POLR3D: variants seen among roughly 807,000 people sequenced by gnomAD.
The protein encoded by POLR3D is DNA-directed RNA polymerase III subunit RPC4.
POLR3D carries 42 observed loss-of-function variants against 44.5 expected under a neutral mutation model. The ratio of observed to expected loss-of-function variants is 0.94; its 90% confidence interval spans 0.74 to 1.22. POLR3D has a LOEUF of 1.22. POLR3D is among the 50% of genes most tolerant of loss of function. The probability of loss-of-function intolerance (pLI) is 0.00; values close to 1 mark genes in which losing one functional copy is unlikely to be tolerated. For synonymous variants in POLR3D, 217 were observed against 198.1 expected, an observed-to-expected ratio of 1.10 and a Z score of -0.80; for missense variants, 507 against 505.2, an observed-to-expected ratio of 1.00 and a Z score of -0.03.
At position 22,248,252 on chromosome 8, in the gene POLR3D, A is replaced by T; in HGVS notation, c.460A>T (p.Ile154Phe). Reference protein sequence around the residue: ...KRETDEETKQILRMLEKDDFL... With the variant: ...KRETDEETKQFLRMLEKDDFL... ...AGAGACAGACGAAGAAACTAAACAGATCTTGCGTATGCTGGAGAAGGACGA... is the reference window on the plus strand; with the variant it reads ...AGAGACAGACGAAGAAACTAAACAGTTCTTGCGTATGCTGGAGAAGGACGA... The change falls in exon 5 of 9, where the codon ATC becomes TTC. Residue 154 changes from isoleucine to phenylalanine, a missense_variant. By Grantham distance (21) the Ile-to-Phe change is conservative. Transcript: ENST00000306433. 6.2e-7 allele frequency: 1 copy of T among 1,614,136 alleles called. No individual in the cohort carries two copies. The highest frequency in any genetic ancestry group is 8.5e-7 in the Non-Finnish European group (1 of 1,180,026).
chr8:22,248,307 T>C (rs948336244), intron 5 of POLR3D, 29 bp downstream of exon 5: 3 of 1,609,376 alleles, frequency 1.9e-6, no homozygotes, highest in Non-Finnish European at 2.5e-6. Flanking sequence ...GGGGAAGGGG[T>C]TTCCTTGTGG....
chr8:22,254,096 C>T lies in POLR3D; in HGVS notation c.*3578C>T, dbSNP rs1830127944. The T allele has an allele frequency of 6.6e-6, 1 of 152,162 alleles. No homozygotes were observed. Among genetic ancestry groups the T allele is most frequent in the Non-Finnish European group, 1.5e-5 (1 of 68,052 alleles). The allele number at this position is 152,162 out of a possible 1,614,324, so 9.4% of individuals were successfully genotyped here. ...CAACCCTTGCCCCCCCTCCCACTCA[C>T]CCCCTTTTGGAGTGCCCAGTGTTTG... is the stretch of plus-strand genomic sequence containing the variant. On this transcript the variant is annotated 3_prime_UTR_variant, in exon 9 of 9. Coordinates refer to ENST00000306433, the MANE Select transcript of POLR3D (RefSeq NM_001722.3).
Position 22,250,414 on chromosome 8 carries a change from C to G in POLR3D, c.1093C>G (p.Leu365Val). ...SFLQELVSVG[L>V]GDSRTGEMTV... The stretch of plus-strand genomic sequence containing the variant: ...TTGGCAGGAGCTGGTGTCCGTGGGC[C>G]TTGGAGACAGTAGGACAGGGGAGAT... Residue 365 changes from leucine (L) to valine (V), a missense_variant, in exon 9 of 9, where the codon CTT (leucine) becomes GTT (valine). Transcript: ENST00000306433. The G allele has an allele frequency of 6.2e-7, 1 of 1,614,198 alleles. No homozygotes were observed.
rs566860167 is a variant in POLR3D at position 22,245,677 on chromosome 8, CTAA to C, written c.165+65_165+67del. On this transcript the variant is annotated intron_variant, in intron 2 of 8. Coordinates refer to ENST00000306433, the MANE Select transcript of POLR3D (RefSeq NM_001722.3). ...TTGAATTCCAAGCCCCAGGATTCAACTAATGTTTGTGTAGGACCTACTGTGTGT... is the reference window on the plus strand; with the variant it reads ...TTGAATTCCAAGCCCCAGGATTCAACTGTTTGTGTAGGACCTACTGTGTGT... 425 of 1,149,230 alleles carry C rather than the reference CTAA, an allele frequency of 3.7e-4. 1 individual carries two copies. The African/African-American group carries it at 6.2e-3, about 17-fold the overall frequency. The allele number at this position is 1,149,230 out of a possible 1,614,324, so 71.2% of individuals were successfully genotyped here.
chr8:22,252,434 A>C lies in POLR3D; in HGVS notation c.*1916A>C, dbSNP rs1252847017. ...CGATGTTAGATATTGGGTATTTTTC[A>C]ATCTTCTGTTTTCTGACCCTTCCAA... On this transcript the variant is annotated 3_prime_UTR_variant, in exon 9 of 9. Transcript: ENST00000306433. 3 of 152,322 alleles carry C rather than the reference A, an allele frequency of 2.0e-5. No individual in the cohort carries two copies. Among genetic ancestry groups the C allele is most frequent in the Non-Finnish European group, 4.4e-5 (3 of 68,040 alleles). 9.4% of individuals were successfully genotyped at this position (152,322 alleles called of 1,614,324 possible). A position where few individuals can be genotyped will look rare whatever the true frequency, so the allele number is the denominator to read the frequency against.
rs768186358 is a variant in POLR3D at position 22,250,428 on chromosome 8, G to A, written c.1107G>A (p.Arg369=). ...TGTCCGTGGGCCTTGGAGACAGTAG[G>A]ACAGGGGAGATGACAGTCCTGGGAC... is the stretch of plus-strand genomic sequence containing the variant. The part of the protein sequence containing the change: ...ELVSVGLGDS[R]TGEMTVLGHV... Residue 369 remains arginine, a synonymous_variant, in exon 9 of 9, where the codon AGG becomes AGA. Coordinates refer to ENST00000306433, the MANE Select transcript of POLR3D (RefSeq NM_001722.3). The A allele has an allele frequency of 6.2e-7, 1 of 1,614,198 alleles. No homozygotes were observed. The highest frequency in any genetic ancestry group is 8.5e-7 in the Non-Finnish European group (1 of 1,180,030).
Position 22,250,596 on chromosome 8 carries a change from G to T in POLR3D, c.*78G>T. On this transcript the variant is annotated 3_prime_UTR_variant, in exon 9 of 9. Coordinates refer to ENST00000306433, the MANE Select transcript of POLR3D (RefSeq NM_001722.3). ...AGACATTTTGTTCTTGAATCTGTGAGACCCAGAAGGGGCCCACTGAGCCCA... is the reference window on the plus strand; with the variant it reads ...AGACATTTTGTTCTTGAATCTGTGATACCCAGAAGGGGCCCACTGAGCCCA... 8.3e-6 allele frequency: 13 copies of T among 1,572,954 alleles called. No homozygotes were observed. Among genetic ancestry groups the T allele is most frequent in the Non-Finnish European group, 1.1e-5 (13 of 1,150,480 alleles).
rs1830131132 is a variant in POLR3D at position 22,254,387 on chromosome 8, T to C, written c.*3869T>C. The stretch of plus-strand genomic sequence containing the variant: ...CTCACTCAGAAATACATACAATTCT[T>C]CGTTCCCAGCTACTCTGGAGCTGAG... On this transcript the variant is annotated 3_prime_UTR_variant, in exon 9 of 9. Transcript: ENST00000306433. The C allele has an allele frequency of 6.6e-6, 1 of 152,204 alleles. No individual in the cohort carries two copies. The allele number at this position is 152,204 out of a possible 1,614,324, so 9.4% of individuals were successfully genotyped here. A position where few individuals can be genotyped will look rare whatever the true frequency, so the allele number is the denominator to read the frequency against.
rs1010677867 is a variant in POLR3D at position 22,250,506 on chromosome 8, C to T, written c.1185C>T (p.His395=). The stretch of plus-strand genomic sequence containing the variant: ...CTGATTTTGAATCCCTCTTGGATCA[C>T]AAACACCGGTAAAATGAGCAGGTGG... ...CSPDFESLLD[H]KHR is the part of the protein sequence containing the mutation. Residue 395 remains histidine (H), a synonymous_variant, in exon 9 of 9, where the codon CAC becomes CAT. Coordinates refer to ENST00000306433, the MANE Select transcript of POLR3D (RefSeq NM_001722.3). The T allele has an allele frequency of 3.1e-6, 5 of 1,614,204 alleles. No individual in the cohort carries two copies. In the African/African-American group the frequency reaches 5.3e-5, roughly 17 times the overall value.
In POLR3D at chr8:22,250,230, A is replaced by T. The variant is rs1372086313; in HGVS notation, c.1074+3A>T. 4 of 1,613,786 alleles carry T rather than the reference A, an allele frequency of 2.5e-6. No homozygotes were observed. In the African/African-American group the frequency reaches 5.3e-5, roughly 22 times the overall value. ...GAACTGCCTGCTCCTTCCTGCAGGT[A>T]AGAGCCTCCTTAGGGGCAAGGAGGG... On this transcript the variant is annotated splice_donor_region_variant and intron_variant, in intron 8 of 8. Coordinates refer to ENST00000306433, the MANE Select transcript of POLR3D (RefSeq NM_001722.3).
Position 22,245,520 on chromosome 8 carries a change from G to A in POLR3D, c.71G>A (p.Arg24Gln). Residue 24 changes from arginine (R) to glutamine (Q), a missense_variant, in exon 2 of 9, where the codon CGG becomes CAG. Transcript: ENST00000306433. ...CCCCGACCTCTCCTGACTGGGGCCCGGGGGCTCATCGGGCGGCGGCCGGCG... is the reference window on the plus strand; with the variant it reads ...CCCCGACCTCTCCTGACTGGGGCCCAGGGGCTCATCGGGCGGCGGCCGGCG... ...GGPRPLLTGA[R>Q]GLIGRRPAPP... 1.6e-6 allele frequency: 2 copies of A among 1,279,120 alleles called. No individual in the cohort carries two copies. Among genetic ancestry groups the A allele is most frequent in the Admixed American group, 3.5e-5 (1 of 28,474 alleles). The allele number at this position is 1,279,120 out of a possible 1,614,324, so 79.2% of individuals were successfully genotyped here.
chr8:22,249,433 G>A, intron 7 of POLR3D, 124 bp downstream of exon 7: 1 of 1,029,170 alleles, frequency 9.7e-7, no homozygotes, highest in Non-Finnish European at 1.4e-6. Flanking sequence ...GGTTATTCTT[G>A]ACGCCTGCAA....
Position 22,252,757 on chromosome 8 carries a change from A to G in POLR3D, c.*2239A>G, listed in dbSNP as rs1830115324. 2.6e-5 allele frequency: 4 copies of G among 152,206 alleles called. No individual in the cohort carries two copies. The highest frequency in any genetic ancestry group is 5.9e-5 in the Non-Finnish European group (4 of 68,036). The allele number at this position is 152,206 out of a possible 1,614,324, so 9.4% of individuals were successfully genotyped here. On this transcript the variant is annotated 3_prime_UTR_variant, in exon 9 of 9. Transcript: ENST00000306433. ...AATTTGTTGCTCCCTGCATCTGTGT[A>G]TATGCTTTCTGTTAAATACAGAAAG...
In POLR3D at chr8:22,250,089, A is replaced by C; in HGVS notation, c.936A>C (p.Ala312=). Residue 312 remains alanine, a synonymous_variant, in exon 8 of 9, where the codon GCA becomes GCC. Transcript: ENST00000306433. The part of the protein sequence containing the change: ...KQEKDREAKL[A]ENACTLADLT... ...TTTCTCCGCAGGAAGCCAAATTGGC[A>C]GAGAATGCTTGTACCCTGGCTGACC... The C allele has an allele frequency of 6.2e-7, 1 of 1,614,132 alleles. No homozygotes were observed. Among genetic ancestry groups the C allele is most frequent in the Non-Finnish European group, 8.5e-7 (1 of 1,180,012 alleles).
At position 22,250,840 on chromosome 8, in the gene POLR3D, C is replaced by T; in HGVS notation, c.*322C>T. On this transcript the variant is annotated 3_prime_UTR_variant, in exon 9 of 9. Coordinates refer to ENST00000306433, the MANE Select transcript of POLR3D (RefSeq NM_001722.3). ...AGGGTCTGTGTGAAGGGGCCGGCTT[C>T]TCTTGGTGCCTGCTGGGTTGCAGGG... The T allele has an allele frequency of 3.1e-6, 1 of 325,982 alleles. No individual in the cohort carries two copies. The highest frequency in any genetic ancestry group is 6.0e-6 in the Non-Finnish European group (1 of 167,310). The allele number at this position is 325,982 out of a possible 1,614,324, so 20.2% of individuals were successfully genotyped here.
At position 22,247,915 on chromosome 8, in the gene POLR3D, C is replaced by G; in HGVS notation, c.268C>G (p.Arg90Gly). ...EKRERDRDRQ[R>G]EGHGRGRGRP... ...GCGTGAAAGGGACAGAGACCGACAACGAGAGGGGCATGGACGAGGGCGAGG... is the reference window on the plus strand; with the variant it reads ...GCGTGAAAGGGACAGAGACCGACAAGGAGAGGGGCATGGACGAGGGCGAGG... Residue 90 changes from arginine to glycine, a missense_variant, in exon 4 of 9, where the codon CGA (arginine) becomes GGA (glycine). By Grantham distance (125) the Arg-to-Gly change is moderately radical. Coordinates refer to ENST00000306433, the MANE Select transcript of POLR3D (RefSeq NM_001722.3). 4 of 1,614,036 alleles carry G rather than the reference C, an allele frequency of 2.5e-6. No individual in the cohort carries two copies. The highest frequency in any genetic ancestry group is 1.1e-5 in the South Asian group (1 of 91,076).
rs1830074398 is a variant in POLR3D at position 22,249,177 on chromosome 8, A to G, written c.789A>G (p.Glu263=). The G allele has an allele frequency of 6.2e-7, 1 of 1,614,062 alleles. No individual in the cohort carries two copies. Among genetic ancestry groups the G allele is most frequent in the Non-Finnish European group, 8.5e-7 (1 of 1,179,990 alleles). Reference sequence around the variant, plus strand: ...TGAGGGAGCTGAGCCTCACCAAGGAAGAGGAACTGCTGTTTCTGCAGCTGC... The same window carrying G: ...TGAGGGAGCTGAGCCTCACCAAGGAGGAGGAACTGCTGTTTCTGCAGCTGC... ...ELLRELSLTK[E]EELLFLQLPD... The change falls in exon 7 of 9, where the codon GAA becomes GAG. Residue 263 remains glutamate, a synonymous_variant. Transcript: ENST00000306433.
At chr8:22,247,122 G>T (rs1830051643) in intron 2 of POLR3D, 99 bp from the exon 3 acceptor site, 11 of 802,262 alleles carry the variant, frequency 1.4e-5, no homozygotes, top group African/African-American at 1.7e-5. Context: ...AGCCGTGGTG[G>T]CCTTGGTCTG....
chr8:22,249,800 C>T (rs1397742127), intron 7 of POLR3D, among the ~76,000 whole-genome samples: 5 of 152,098 alleles, frequency 3.3e-5, no homozygotes, highest in Non-Finnish European at 7.4e-5. Flanking sequence ...CCAACCTTGG[C>T]GACAGAGTCA....
Sources: allele counts gnomAD v4.1 joint callset (sites outside exome capture counted in the v4.1 genomes callset), GRCh38; gene constraint gnomAD v4.1.1; transcripts MANE v1.5; gene names NCBI Gene and HGNC (gene_info 2026-07-23, HGNC 2026-07-21).